MST1R: variants seen among roughly 807,000 people sequenced by gnomAD.
MST1R encodes macrophage stimulating 1 receptor.
Under a neutral mutation model 117.8 loss-of-function variants are expected in MST1R, and 99 were observed. That is an observed-to-expected ratio of 0.84 (90% CI 0.71 to 0.99). MST1R has a LOEUF of 0.99. Among genes scored for constraint, MST1R ranks in the 50% least tolerant of loss-of-function variants. The pLI, the probability that MST1R is intolerant of heterozygous loss-of-function variation, is 0.00. For missense variants in MST1R, 1,683 were observed against 1,840.2 expected, an observed-to-expected ratio of 0.91 and a Z score of 1.56; for synonymous variants, 734 against 765.3, an observed-to-expected ratio of 0.96 and a Z score of 0.68.
intron 19 of MST1R, among the ~76,000 whole-genome samples, chr3:49,887,764 C>A (rs151034870): frequency 6.6e-6 from 1 of 152,258 alleles, no homozygotes; most frequent in Non-Finnish European, 1.5e-5. Flanking sequence ...TGGCAGAGGT[C>A]GAACTACCTC....
In MST1R at chr3:49,898,543, T is replaced by G. The variant is rs144558604; in HGVS notation, c.1694A>C (p.Asp565Ala). 26 of 1,613,724 alleles carry G rather than the reference T, an allele frequency of 1.6e-5. No homozygotes were observed. In the African/African-American group the frequency reaches 3.3e-4, roughly 21 times the overall value. ...QKECPGSWQQ[D>A]HCPPKLTEFH... ...CTCAGTAAGCTTAGGTGGGCAGTGG[T>G]CCTGTTGCCAGGAGCCAGGACACTC... The change falls in exon 4 of 20, where the codon GAC becomes GCC. Residue 565 changes from aspartate to alanine, a missense_variant. By Grantham distance (126) the Asp-to-Ala change is moderately radical. Coordinates refer to ENST00000296474, the MANE Select transcript of MST1R (RefSeq NM_002447.4).
In MST1R at chr3:49,899,277, G is replaced by A; in HGVS notation, c.1231-14C>T. On this transcript the variant is annotated splice_polypyrimidine_tract_variant and intron_variant, in intron 1 of 19. Coordinates refer to ENST00000296474, the MANE Select transcript of MST1R (RefSeq NM_002447.4). ...TTCCAGGCCAGGCTGGGAAAGGTCAGGGAAGGGAAGGAGTCAGGGTTCAGC... is the reference window on the plus strand; with the variant it reads ...TTCCAGGCCAGGCTGGGAAAGGTCAAGGAAGGGAAGGAGTCAGGGTTCAGC... 1 of 1,613,494 alleles carries A rather than the reference G, an allele frequency of 6.2e-7. No homozygotes were observed.
Position 49,903,063 on chromosome 3 carries a change from C to G in MST1R, c.547G>C (p.Gly183Arg), listed in dbSNP as rs760730814. Residue 183 changes from glycine (G) to arginine (R), a missense_variant, in exon 1 of 20, where the codon GGC (glycine) becomes CGC (arginine). Coordinates refer to ENST00000296474, the MANE Select transcript of MST1R (RefSeq NM_002447.4). Reference protein sequence around the residue: ...DCPDCVASPLGTRVTVVEQGQ... With the variant: ...DCPDCVASPLRTRVTVVEQGQ... ...TGCTCAACCACAGTTACACGGGTGCCCAATGGGCTGGCCACACAGTCGGGG... is the reference window on the plus strand; with the variant it reads ...TGCTCAACCACAGTTACACGGGTGCGCAATGGGCTGGCCACACAGTCGGGG... 2 of 1,610,072 alleles carry G rather than the reference C, an allele frequency of 1.2e-6. No homozygotes were observed. Among genetic ancestry groups the G allele is most frequent in the Admixed American group, 3.3e-5 (2 of 60,030 alleles).
chr3:49,898,419 C>A, intron 4 of MST1R, 99 bp downstream of exon 4: 1 of 1,467,278 alleles, frequency 6.8e-7, no homozygotes. Flanking sequence ...ATGAAGGACA[C>A]CCCCCAGACC....
chr3:49,890,933 A>T (rs1202495153), intron 17 of MST1R, among the ~76,000 whole-genome samples: 1 of 152,108 alleles, frequency 6.6e-6, no homozygotes, highest in Non-Finnish European at 1.5e-5. Context: ...TCACCGTGTT[A>T]GCCAGGATGG....
chr3:49,903,745 C>A lies in MST1R; in HGVS notation c.-136G>T, dbSNP rs1009011447. The A allele has an allele frequency of 8.1e-7, 1 of 1,234,568 alleles. No homozygotes were observed. The highest frequency in any genetic ancestry group is 1.5e-5 in the African/African-American group (1 of 65,794). 76.5% of individuals were successfully genotyped at this position (1,234,568 alleles called of 1,614,324 possible). ...GTCCCGACAGCCCCAAGATAGCGGACCCCCGCCCCAGGTTCCTGTGAAACC... is the reference window on the plus strand; with the variant it reads ...GTCCCGACAGCCCCAAGATAGCGGAACCCCGCCCCAGGTTCCTGTGAAACC... On this transcript the variant is annotated 5_prime_UTR_variant, in exon 1 of 20. Coordinates refer to ENST00000296474, the MANE Select transcript of MST1R (RefSeq NM_002447.4).
At chr3:49,899,411 C>T in intron 1 of MST1R, 148 bp from the exon 2 acceptor site, 2 of 791,108 alleles carry the variant, frequency 2.5e-6, no homozygotes, top group Non-Finnish European at 4.0e-6. Flanking sequence ...GTTACCATCC[C>T]ACATTGCCCC....
At position 49,895,667 on chromosome 3, in the gene MST1R, C is replaced by T. The variant is rs201818522; in HGVS notation, c.2962+48G>A. 1.4e-5 allele frequency: 23 copies of T among 1,612,562 alleles called. No individual in the cohort carries two copies. The Admixed American group carries it at 3.5e-4, about 25-fold the overall frequency. Reference sequence around the variant, plus strand: ...AGAGGATGTAGGGACTTGAAGATGCCATTGGTTGGGGGTAGGGGCTGATTA... The same window carrying T: ...AGAGGATGTAGGGACTTGAAGATGCTATTGGTTGGGGGTAGGGGCTGATTA... On this transcript the variant is annotated intron_variant, in intron 12 of 19. Transcript: ENST00000296474.
intron 17 of MST1R, 34 bp from the exon 18 acceptor site, chr3:49,890,684 G>A: frequency 6.3e-7 from 1 of 1,576,770 alleles, no homozygotes; most frequent in Non-Finnish European, 8.6e-7. Flanking sequence ...ACTTAGGACT[G>A]GCCCTTACCA....
chr3:49,900,295 T>G (rs927245912), intron 1 of MST1R, among the ~76,000 whole-genome samples: 1 of 152,146 alleles, frequency 6.6e-6, no homozygotes, highest in Non-Finnish European at 1.5e-5. Flanking sequence ...GGGGTGTTTT[T>G]GGGGGCTGCA....
chr3:49,901,026 C>T (rs2082658321), intron 1 of MST1R, among the ~76,000 whole-genome samples: 1 of 152,222 alleles, frequency 6.6e-6, no homozygotes, highest in Non-Finnish European at 1.5e-5. Flanking sequence ...ATTAGTCTTC[C>T]TGGAGCCTGG....
intron 1 of MST1R, among the ~76,000 whole-genome samples, chr3:49,900,556 T>C (rs1017116544): frequency 1.3e-5 from 2 of 151,810 alleles, no homozygotes; most frequent in Non-Finnish European, 2.9e-5. Flanking sequence ...CAAAAGTAGA[T>C]GTGGAGCTGA....
intron 7 of MST1R, 139 bp downstream of exon 7, chr3:49,897,141 C>T (rs1216836018): frequency 2.1e-5 from 27 of 1,314,224 alleles, no homozygotes; most frequent in South Asian, 1.0e-4. Flanking sequence ...CTGAAGAGGG[C>T]AGTAGTCTTT....
chr3:49,899,544 C>A (rs1411756193), intron 1 of MST1R: 2 of 281,364 alleles, frequency 7.1e-6, no homozygotes, highest in Non-Finnish European at 1.4e-5. Context: ...TCCATCCTCA[C>A]AACCACCCCG....
chr3:49,897,472 C>T (rs562456553), intron 6 of MST1R, 48 bp downstream of exon 6: 10 of 1,610,038 alleles, frequency 6.2e-6, no homozygotes, highest in Admixed American at 1.7e-5. Context: ...CCCTCCCTTC[C>T]CGTACCATGC....
chr3:49,898,815 G>A (rs372900079), intron 3 of MST1R, 52 bp downstream of exon 3: 9 of 1,611,478 alleles, frequency 5.6e-6, no homozygotes, highest in Admixed American at 5.0e-5. Context: ...ATTGGATGGA[G>A]AGTCTGTGAT....
Position 49,887,126 on chromosome 3 carries a change from G to T in MST1R, c.*181C>A. ...AGGCACTCCATAAATACATGTTGCA[G>T]GACTGCCCTCACTGGCTCACTCTGT... On this transcript the variant is annotated 3_prime_UTR_variant, in exon 20 of 20. Transcript: ENST00000296474. 1 of 787,726 alleles carries T rather than the reference G, an allele frequency of 1.3e-6. No homozygotes were observed. Among genetic ancestry groups the T allele is most frequent in the Non-Finnish European group, 2.0e-6 (1 of 494,794 alleles). The allele number at this position is 787,726 out of a possible 1,614,324, so 48.8% of individuals were successfully genotyped here. A position where few individuals can be genotyped will look rare whatever the true frequency, so the allele number is the denominator to read the frequency against.
At position 49,897,339 on chromosome 3, in the gene MST1R, A is replaced by ACT; in HGVS notation, c.2122_2123dup (p.Ser708ArgfsTer5). The ACT allele has an allele frequency of 6.2e-7, 1 of 1,613,840 alleles. No homozygotes were observed. The highest frequency in any genetic ancestry group is 2.2e-5 in the East Asian group (1 of 44,872). ...CAGCCCGGCTGGTGCCTACAGACAG[A>ACT]CTCTGGCCTTCAAGAGTGAGACAGG... is the stretch of plus-strand genomic sequence containing the variant. On this transcript the variant is annotated frameshift_variant, in exon 7 of 20. Coordinates refer to ENST00000296474, the MANE Select transcript of MST1R (RefSeq NM_002447.4). LOFTEE classifies it high-confidence loss of function.
At chr3:49,898,779 G>A in intron 3 of MST1R, 88 bp downstream of exon 3, 1 of 1,605,296 alleles carries the variant, frequency 6.2e-7, no homozygotes, top group Non-Finnish European at 8.5e-7. Context: ...TAGGGTGGTA[G>A]GGCCTGTATG....
Sources: gnomAD v4.1 joint callset for allele counts (sites outside exome capture counted in the v4.1 genomes callset) on GRCh38, gnomAD v4.1.1 for gene constraint, MANE v1.5 for transcripts, NCBI Gene and HGNC (gene_info 2026-07-23, HGNC 2026-07-21) for gene names.